The following DNAH2 variants were observed in gnomAD, a reference collection of about 807,000 sequenced individuals.
DNAH2 encodes dynein axonemal heavy chain 2, also known as axonemal beta dynein heavy chain 2.
DNAH2 carries 323 observed loss-of-function variants against 523.5 expected under a neutral mutation model. That is an observed-to-expected ratio of 0.62 (90% CI 0.56 to 0.68). The LOEUF (loss-of-function observed/expected upper bound fraction) is 0.68. Ranked by LOEUF, DNAH2 falls within the 30% of genes least tolerant of loss-of-function variation. The pLI is 0.00. For missense variants in DNAH2, 4,907 were observed against 5,701.5 expected (o/e 0.86, Z 4.49); for synonymous variants, 2,093 against 2,177.4 (o/e 0.96, Z 1.08).
chr17:7,787,735 T>TTA (rs2076779273), intron 42 of DNAH2, 125 bp from the exon 43 acceptor site: 10 of 933,794 alleles, frequency 1.1e-5, no homozygotes, highest in Non-Finnish European at 1.4e-5. Flanking sequence ...GACTTTGTCT[T>TTA]AAAAAAAAAA....
At chr17:7,830,260 T>C in intron 77 of DNAH2, 40 bp from the exon 78 acceptor site, 1 of 1,579,730 alleles carries the variant, frequency 6.3e-7, no homozygotes, top group Non-Finnish European at 8.6e-7. Flanking sequence ...GGTCTGAGTG[T>C]GATGCATGTC....
Position 7,786,515 on chromosome 17 carries a change from T to C in DNAH2, c.6349-55T>C. The C allele has an allele frequency of 1.9e-6, 3 of 1,545,350 alleles. No homozygotes were observed. Among genetic ancestry groups the C allele is most frequent in the Non-Finnish European group, 2.7e-6 (3 of 1,122,478 alleles). ...CACGTACCTAAGAGGGGTCTGGAAA[T>C]AAAGAGGGGTTTTTGTCCATCAGCA... On this transcript the variant is annotated intron_variant, in intron 40 of 85. Transcript: ENST00000572933. This position sits in a 1 kb window ranked among gnomAD's most constrained non-coding sequence, Gnocchi z 7.5.
intron 48 of DNAH2, among the ~76,000 whole-genome samples, chr17:7,793,449 T>C (rs4069868): frequency 0.36 from 18,988 of 52,146 alleles, 1,356 homozygotes; most frequent in Middle Eastern, 0.41. Flanking sequence ...TTCTTTCTTT[T>C]TCTTTCTTTC....
intron 2 of DNAH2, among the ~76,000 whole-genome samples, chr17:7,722,369 G>A (rs1346019265): frequency 6.6e-6 from 1 of 152,144 alleles, no homozygotes; most frequent in Non-Finnish European, 1.5e-5. Context: ...CCTTTTTAAA[G>A]TCTACAGTTC....
At chr17:7,809,210 G>A (rs1001146396) in intron 63 of DNAH2, among the ~76,000 whole-genome samples, 4 of 152,064 alleles carry the variant, frequency 2.6e-5, no homozygotes, top group Non-Finnish European at 2.9e-5. Flanking sequence ...ATCCAGGTTC[G>A]ACCTCCACAG....
chr17:7,741,066 G>A, intron 11 of DNAH2, 74 bp downstream of exon 11: 1 of 1,517,348 alleles, frequency 6.6e-7, no homozygotes, highest in Non-Finnish European at 8.9e-7. Flanking sequence ...CTCCTGAGAG[G>A]TTCCCCAAAG....
intron 15 of DNAH2, 104 bp downstream of exon 15, chr17:7,759,228 G>A: frequency 6.6e-7 from 1 of 1,519,540 alleles, no homozygotes; most frequent in Non-Finnish European, 8.9e-7. Flanking sequence ...TTTTACCAGT[G>A]TGTACTTCTC....
chr17:7,741,277 TCTTTCTTTCTTTCTTTCTTCCTTC>T (rs1198199318), intron 11 of DNAH2, among the ~76,000 whole-genome samples: 8 of 55,344 alleles, frequency 1.4e-4, no homozygotes, highest in East Asian at 1.0e-3. Flanking sequence ...TTTCTTTCTT[TCTTTCTTTCTTTCTTTCTTCCTTC>T]CTTCCCTCCC....
At chr17:7,823,780 CCCCG>C in intron 74 of DNAH2, 50 bp from the exon 75 acceptor site, 1 of 1,596,332 alleles carries the variant, frequency 6.3e-7, no homozygotes, top group Non-Finnish European at 8.6e-7. Context: ...TGTCTGGATT[CCCCG>C]CTCTTCCAGA....
intron 44 of DNAH2, among the ~76,000 whole-genome samples, 198 bp from the exon 45 acceptor site, chr17:7,791,719 G>A (rs2076902387): frequency 6.6e-6 from 1 of 152,194 alleles, no homozygotes; most frequent in Non-Finnish European, 1.5e-5. Flanking sequence ...CAACTGCTGA[G>A]CTATAAGAAA....
chr17:7,741,236 C>CTCTTTCTCTCTTTCTTTCTT (rs2075309734), intron 11 of DNAH2, among the ~76,000 whole-genome samples: 1 of 85,596 alleles, frequency 1.2e-5, no homozygotes, highest in African/African-American at 4.2e-5. Flanking sequence ...TTTTCTCTCT[C>CTCTTTCTCTCTTTCTTTCTT]TCTTTCTTTC....
intron 18 of DNAH2, 96 bp downstream of exon 18, chr17:7,761,028 T>C: frequency 6.8e-7 from 1 of 1,463,100 alleles, no homozygotes. Flanking sequence ...GTAGGGGAGC[T>C]GAGGATGACA....
At position 7,781,057 on chromosome 17, in the gene DNAH2, A is replaced by G. The variant is rs368917581; in HGVS notation, c.6019A>G (p.Met2007Val). Reference protein sequence around the residue: ...LTDEEVLLLSMRDMNIAKLTS... With the variant: ...LTDEEVLLLSVRDMNIAKLTS... ...TCCCATTCAGGTTCTGCTGCTCTCA[A>G]TGAGAGATATGAACATCGCCAAGCT... The change falls in exon 39 of 86, where the codon ATG becomes GTG. Residue 2007 changes from methionine to valine, a missense_variant. By Grantham distance (21) the Met-to-Val change is conservative. Transcript: ENST00000572933. The G allele has an allele frequency of 2.2e-5, 35 of 1,613,998 alleles. No individual in the cohort carries two copies. Among genetic ancestry groups the G allele is most frequent in the Admixed American group, 1.7e-4 (10 of 59,998 alleles).
At chr17:7,766,008 A>G (rs778605713) in intron 21 of DNAH2, among the ~76,000 whole-genome samples, 6 of 151,920 alleles carry the variant, frequency 3.9e-5, no homozygotes, top group South Asian at 2.1e-4. Context: ...TGATCTCTTG[A>G]CCTTGTGATC....
chr17:7,786,736 A>AG lies in DNAH2; in HGVS notation c.6466+54dup. The stretch of plus-strand genomic sequence containing the variant: ...GGAGAGCAGACGCCTGAGTCTCCTA[A>AG]GGGGGCAGGGAGTCTGGGGATAGGA... On this transcript the variant is annotated intron_variant, in intron 41 of 85. Coordinates refer to ENST00000572933, the MANE Select transcript of DNAH2 (RefSeq NM_020877.5). This position sits in a 1 kb window ranked among gnomAD's most constrained non-coding sequence, Gnocchi z 7.5. 6.2e-7 allele frequency: 1 copy of AG among 1,603,962 alleles called. No individual in the cohort carries two copies. The highest frequency in any genetic ancestry group is 8.5e-7 in the Non-Finnish European group (1 of 1,171,948).
chr17:7,818,885 C>A lies in DNAH2; in HGVS notation c.10671-34C>A, dbSNP rs753093665. On this transcript the variant is annotated intron_variant, in intron 70 of 85. Coordinates refer to ENST00000572933, the MANE Select transcript of DNAH2 (RefSeq NM_020877.5). ...TCCCAGGGAGCCTGGTCCCGCTAAC[C>A]CCTTGCTCCATGTGCCTCTGGGCCT... 3.1e-6 allele frequency: 5 copies of A among 1,608,690 alleles called. No individual in the cohort carries two copies. In the East Asian group the frequency reaches 1.1e-4, roughly 36 times the overall value.
chr17:7,718,589 G>A lies in DNAH2; in HGVS notation c.-225G>A, dbSNP rs926847423. On this transcript the variant is annotated 5_prime_UTR_variant, in exon 1 of 86. Transcript: ENST00000572933. ...CTGTGACCTTCCTCGTGCCCCAATT[G>A]CTTTTTCCTCATGACACAATTTGAA... 6.6e-6 allele frequency: 1 copy of A among 152,412 alleles called. No homozygotes were observed. The highest frequency in any genetic ancestry group is 1.5e-5 in the Non-Finnish European group (1 of 68,038). 9.4% of individuals were successfully genotyped at this position (152,412 alleles called of 1,614,324 possible).
intron 4 of DNAH2, 31 bp downstream of exon 4, chr17:7,727,323 G>C: frequency 2.5e-6 from 4 of 1,577,414 alleles, no homozygotes; most frequent in Non-Finnish European, 3.4e-6. Context: ...GATCAAAGGT[G>C]GTCCTACAGA....
At chr17:7,802,826 G>C (rs2077259879) in intron 58 of DNAH2, among the ~76,000 whole-genome samples, 1 of 124,226 alleles carries the variant, frequency 8.0e-6, no homozygotes, top group Non-Finnish European at 1.8e-5. Context: ...ACCATGCCCA[G>C]CTATTTTTTT....
Sources: allele counts gnomAD v4.1 joint callset (sites outside exome capture counted in the v4.1 genomes callset), GRCh38; gene constraint gnomAD v4.1.1; non-coding constraint Gnocchi (gnomAD v3.1); transcripts MANE v1.5; gene names NCBI Gene and HGNC (gene_info 2026-07-23, HGNC 2026-07-21).